Variants in GAS6 observed in about 807,000 individuals in gnomAD.
GAS6 encodes growth arrest specific 6, also known as growth arrest-specific protein 6.
Under a neutral mutation model 75.8 loss-of-function variants are expected in GAS6, and 41 were observed. The ratio of observed to expected loss-of-function variants is 0.54; its 90% CI spans 0.42 to 0.70. The LOEUF (loss-of-function observed/expected upper bound fraction) is 0.70. Among genes scored for constraint, GAS6 ranks in the 30% least tolerant of loss-of-function variants. The pLI, the probability that GAS6 is intolerant of heterozygous loss-of-function variation, is 0.00. For synonymous variants in GAS6, 432 were observed against 412.6 expected (o/e 1.05, Z -0.57); for missense variants, 854 against 940.2 (o/e 0.91, Z 1.20).
At chr13:113,839,701 C>G (rs2051755238) in intron 5 of GAS6, 27 bp downstream of exon 5, 2 of 1,610,614 alleles carry the variant, frequency 1.2e-6, no homozygotes, top group African/African-American at 2.7e-5. Flanking sequence ...GGAGGGAGAC[C>G]CCGCCTTTGT....
Position 113,828,625 on chromosome 13 carries a change from G to T in GAS6, c.1230C>A (p.Phe410Leu). 1.9e-6 allele frequency: 3 copies of T among 1,613,598 alleles called. No homozygotes were observed. Among genetic ancestry groups the T allele is most frequent in the Non-Finnish European group, 2.5e-6 (3 of 1,179,992 alleles). Reference sequence around the variant, plus strand: ...GATGATACAGTCCTCGCTCCGGTTGGAACAAGTCCCCGGCCACCGCGATTT... The same window carrying T: ...GATGATACAGTCCTCGCTCCGGTTGTAACAAGTCCCCGGCCACCGCGATTT... ...VMKIAVAGDL[F>L]QPERGLYHLN... The change falls in exon 11 of 15, where the codon TTC (phenylalanine) becomes TTA (leucine). Residue 410 changes from phenylalanine (F) to leucine (L), a missense_variant. Coordinates refer to ENST00000327773, the MANE Select transcript of GAS6 (RefSeq NM_000820.4).
chr13:113,858,984 ATG>A (rs1566376397), intron 2 of GAS6, among the ~76,000 whole-genome samples: 1 of 148,316 alleles, frequency 6.7e-6, no homozygotes, highest in Non-Finnish European at 1.5e-5. Context: ...GTCTATATGA[ATG>A]TGTGCATGTA....
At chr13:113,832,989 TC>T (rs1294324329) in intron 8 of GAS6, 1 of 1,423,802 alleles carries the variant, frequency 7.0e-7, no homozygotes, top group Non-Finnish European at 9.2e-7. Flanking sequence ...CCCCGTCATC[TC>T]CTTCCCTGCT....
In GAS6 at chr13:113,820,593, CAGAA is replaced by C. The variant is rs1449759026; in HGVS notation, c.*267_*270del. ...TATTTTATTTTCCATATTTTAGAGT[CAGAA>C]AGAAGCGCTTGGTAATAAAAATAAT... is the stretch of plus-strand genomic sequence containing the variant. On this transcript the variant is annotated 3_prime_UTR_variant, in exon 15 of 15. Coordinates refer to ENST00000327773, the MANE Select transcript of GAS6 (RefSeq NM_000820.4). 2.4e-5 allele frequency: 11 copies of C among 453,140 alleles called. No individual in the cohort carries two copies. Among genetic ancestry groups the C allele is most frequent in the African/African-American group, 7.7e-5 (4 of 52,002 alleles). The allele number at this position is 453,140 out of a possible 1,614,324, so 28.1% of individuals were successfully genotyped here. A position where few individuals can be genotyped will look rare whatever the true frequency, so the allele number is the denominator to read the frequency against.
Position 113,835,557 on chromosome 13 carries a change from CAG to C in GAS6, c.666_667del (p.Cys223Ter). 1 of 1,612,600 alleles carries C rather than the reference CAG, an allele frequency of 6.2e-7. No individual in the cohort carries two copies. The highest frequency in any genetic ancestry group is 8.5e-7 in the Non-Finnish European group (1 of 1,179,888). On this transcript the variant is annotated frameshift_variant, in exon 7 of 15. Transcript: ENST00000327773. ...GGAGCTGTACGCAAAGCCCTCGTCA[CAG>C]AGGCAGGAGTAGGAGCCGGGCAGGT...
In GAS6 at chr13:113,842,821, T is replaced by G. The variant is rs934415625; in HGVS notation, c.344-2971A>C. The G allele has an allele frequency of 7.6e-6, 3 of 396,768 alleles. No individual in the cohort carries two copies. In the Admixed American group the frequency reaches 1.3e-4, roughly 17 times the overall value. 24.6% of individuals were successfully genotyped at this position (396,768 alleles called of 1,614,324 possible). A position where few individuals can be genotyped will look rare whatever the true frequency, so the allele number is the denominator to read the frequency against. Reference sequence around the variant, plus strand: ...CAGAAGTGGACACCTGCCCATGTGATGCAAAGGGCTGGGAACCCGGTCTTG... The same window carrying G: ...CAGAAGTGGACACCTGCCCATGTGAGGCAAAGGGCTGGGAACCCGGTCTTG... On this transcript the variant is annotated intron_variant, in intron 4 of 14. Coordinates refer to ENST00000327773, the MANE Select transcript of GAS6 (RefSeq NM_000820.4).
At chr13:113,828,205 A>G (rs1017986329) in intron 11 of GAS6, among the ~76,000 whole-genome samples, 3 of 152,182 alleles carry the variant, frequency 2.0e-5, no homozygotes, top group Non-Finnish European at 4.4e-5. Context: ...CGGAGCTTGC[A>G]GTGAGCCGAG....
At chr13:113,826,264 T>C (rs980745274) in intron 12 of GAS6, among the ~76,000 whole-genome samples, 6 of 152,172 alleles carry the variant, frequency 3.9e-5, no homozygotes, top group Non-Finnish European at 7.4e-5. Flanking sequence ...TCTCACCGGG[T>C]CATCGGTGAC....
rs776166364 is a variant in GAS6 at position 113,835,552 on chromosome 13, C to T, written c.673G>A (p.Glu225Lys). 39 of 1,612,448 alleles carry T rather than the reference C, an allele frequency of 2.4e-5. No homozygotes were observed. In the South Asian group the frequency reaches 3.5e-4, roughly 15 times the overall value. The change falls in exon 7 of 15, where the codon GAG (glutamate) becomes AAG (lysine). Residue 225 changes from glutamate (E) to lysine (K), a missense_variant. Physicochemically the swap from Glu to Lys is moderately conservative, Grantham distance 56. Coordinates refer to ENST00000327773, the MANE Select transcript of GAS6 (RefSeq NM_000820.4). ...TCCTGGGAGCTGTACGCAAAGCCCT[C>T]GTCACAGAGGCAGGAGTAGGAGCCG... ...LPGSYSCLCDEGFAYSSQEKA... is the reference protein window; with the variant it reads ...LPGSYSCLCDKGFAYSSQEKA...
chr13:113,831,479 A>G (rs1372248482), intron 10 of GAS6, among the ~76,000 whole-genome samples: 1 of 152,002 alleles, frequency 6.6e-6, no homozygotes, highest in African/African-American at 2.4e-5. Context: ...CTGGTGGGGC[A>G]CCCTGCGTGT....
rs2051697111 is a variant in GAS6, at chr13:113,835,903, GGGT to G, written c.590-271_590-269del. ...CTGGGAAGGGCCCTGCTTGGTGGAG[GGGT>G]GGGGGGCGGCGGTGCACGCTGTGCT... On this transcript the variant is annotated intron_variant, in intron 6 of 14. Transcript: ENST00000327773. 10 of 1,312,178 alleles carry G rather than the reference GGGT, an allele frequency of 7.6e-6. No homozygotes were observed. In the South Asian group the frequency reaches 1.7e-4, roughly 22 times the overall value. 81.3% of individuals were successfully genotyped at this position (1,312,178 alleles called of 1,614,324 possible). A position where few individuals can be genotyped will look rare whatever the true frequency, so the allele number is the denominator to read the frequency against.
rs1313217132 is a variant in GAS6 at position 113,835,570 on chromosome 13, A to G, written c.655T>C (p.Tyr219His). ...EARCKNLPGS[Y>H]SCLCDEGFAY... ...AAGCCCTCGTCACAGAGGCAGGAGT[A>G]GGAGCCGGGCAGGTTCTTGCAGCGC... is the stretch of plus-strand genomic sequence containing the variant. Residue 219 changes from tyrosine to histidine, a missense_variant, in exon 7 of 15, where the codon TAC (tyrosine) becomes CAC (histidine). Tyr to His is a moderately conservative substitution (Grantham distance 83, BLOSUM62 2). Coordinates refer to ENST00000327773, the MANE Select transcript of GAS6 (RefSeq NM_000820.4). The G allele has an allele frequency of 1.9e-6, 3 of 1,612,434 alleles. No homozygotes were observed. The highest frequency in any genetic ancestry group is 2.5e-6 in the Non-Finnish European group (3 of 1,179,876).
rs183828397 is a variant in GAS6, at chr13:113,826,722, G to C, written c.1477+274C>G. On this transcript the variant is annotated intron_variant, in intron 12 of 14. Transcript: ENST00000327773. ...GGCCTCGCAGGCACCTTCTCTCCCC[G>C]GCCTCCTGGCACTGGCTTCGCAGGC... 7.0e-3 allele frequency among the ~76,000 whole-genome samples: 1,018 copies of C among 144,568 alleles called. 64 individuals are homozygous for C. Among genetic ancestry groups the C allele is most frequent in the African/African-American group, 0.026 (946 of 36,504 alleles). The allele number at this position is 144,568 out of a possible 152,430, so 94.8% of individuals were successfully genotyped here.
intron 2 of GAS6, among the ~76,000 whole-genome samples, chr13:113,852,549 A>G (rs2051884214): frequency 6.6e-6 from 1 of 152,190 alleles, no homozygotes; most frequent in South Asian, 2.1e-4. Context: ...TGATGAGTAG[A>G]TGCCACCTCC....
At chr13:113,826,565 C>T (rs1172808511) in intron 12 of GAS6, among the ~76,000 whole-genome samples, 4 of 107,960 alleles carry the variant, frequency 3.7e-5, no homozygotes, top group Non-Finnish European at 7.7e-5. Flanking sequence ...CTTCTCTCCC[C>T]GGCCTCCCGG....
intron 3 of GAS6, 65 bp from the exon 4 acceptor site, chr13:113,846,654 GCTT>G (rs2051836166): frequency 1.5e-6 from 2 of 1,358,258 alleles, no homozygotes; most frequent in Non-Finnish European, 2.1e-6. Context: ...CAGAGCCTCT[GCTT>G]CTGAGACGCT....
intron 2 of GAS6, among the ~76,000 whole-genome samples, chr13:113,849,721 T>C (rs895264631): frequency 1.3e-5 from 2 of 152,252 alleles, no homozygotes; most frequent in African/African-American, 4.8e-5. Context: ...AAAGGCATTA[T>C]TCATGGAAAA....
intron 10 of GAS6, among the ~76,000 whole-genome samples, chr13:113,831,029 G>A (rs1020767157): frequency 6.6e-6 from 1 of 152,272 alleles, no homozygotes; most frequent in African/African-American, 2.4e-5. Flanking sequence ...TGAAGGGCAA[G>A]ACGTGCTTTC....
intron 6 of GAS6, among the ~76,000 whole-genome samples, chr13:113,836,867 AGTGGGG>A (rs2051721971): frequency 7.3e-5 from 3 of 40,820 alleles, no homozygotes; most frequent in Admixed American, 3.3e-4. Context: ...GAGGAGGGGG[AGTGGGG>A]AGAGGAGGAG....
Sources: allele counts gnomAD v4.1 joint callset (sites outside exome capture counted in the v4.1 genomes callset), GRCh38; gene constraint gnomAD v4.1.1; transcripts MANE v1.5; gene names NCBI Gene and HGNC (gene_info 2026-07-23, HGNC 2026-07-21).